Variants in ZNF157 observed in about 807,000 individuals in gnomAD.
The protein encoded by ZNF157 is zinc finger protein 22.
In ZNF157, 8 loss-of-function variants were observed where a neutral mutation model predicts 9.4. The observed-to-expected ratio is 0.85, with a 90% CI of 0.50 to 1.53. The LOEUF is 1.53. ZNF157 is among the 40% of genes most tolerant of loss of function. The pLI is 0.00. For synonymous variants in ZNF157, 120 were observed against 130.8 expected (o/e 0.92, Z 0.56); for missense variants, 316 against 385.2 (o/e 0.82, Z 1.50).
At chrX:47,397,190 A>G (rs1290780766) in intron 1 of ZNF157, among the ~76,000 whole-genome samples, 1 of 95,838 alleles carries the variant, frequency 1.0e-5, no homozygotes, top group Non-Finnish European at 2.1e-5. Context: ...TTCCAGGCCT[A>G]CTCTTCTTTA....
chrX:47,408,124 C>T (rs1481092916), intron 1 of ZNF157, among the ~76,000 whole-genome samples: 5 of 107,749 alleles, frequency 4.6e-5, no homozygotes, highest in Non-Finnish European at 7.7e-5. Flanking sequence ...TTTTTTTAGA[C>T]GGAGTTTCAC....
intron 1 of ZNF157, among the ~76,000 whole-genome samples, chrX:47,400,109 G>C (rs2055926386): frequency 9.3e-6 from 1 of 107,151 alleles, no homozygotes; most frequent in African/African-American, 3.4e-5. Context: ...TGATTCTCGT[G>C]CCTCAGCCTC....
chrX:47,382,319 T>TTG (rs2055866162), intron 1 of ZNF157, among the ~76,000 whole-genome samples: 2 of 79,847 alleles, frequency 2.5e-5, no homozygotes, highest in Non-Finnish European at 4.4e-5. Context: ...AGACGCAGTC[T>TTG]CGCTCTGTTG....
intron 1 of ZNF157, among the ~76,000 whole-genome samples, chrX:47,371,653 G>A (rs1427361587): frequency 9.0e-6 from 1 of 111,400 alleles, no homozygotes; most frequent in Non-Finnish European, 1.9e-5. Context: ...TGTCACCCAG[G>A]CTGGACTGCA....
chrX:47,393,027 C>CGT (rs1052697915), intron 1 of ZNF157, among the ~76,000 whole-genome samples: 1 of 110,484 alleles, frequency 9.1e-6, no homozygotes, highest in Non-Finnish European at 1.9e-5. Context: ...TGGTGGCGCA[C>CGT]GCCTGTAATC....
chrX:47,373,419 G>A (rs956456574), intron 1 of ZNF157, among the ~76,000 whole-genome samples: 3 of 111,161 alleles, frequency 2.7e-5, no homozygotes, highest in South Asian at 7.5e-4. Flanking sequence ...AGGAAATGAA[G>A]GCTTGCTGGA....
At chrX:47,410,432 G>A (rs2147415335) in intron 2 of ZNF157, 30 bp downstream of exon 2, 1 of 1,202,509 alleles carries the variant, frequency 8.3e-7, no homozygotes, top group African/African-American at 1.8e-5. Context: ...TAACTCCTGA[G>A]AGCGTGTGTT....
chrX:47,376,625 A>G (rs1339773862), intron 1 of ZNF157, among the ~76,000 whole-genome samples: 1 of 111,370 alleles, frequency 9.0e-6, no homozygotes, highest in Non-Finnish European at 1.9e-5. Flanking sequence ...TCAAAAAAAA[A>G]CAGAGAAACT....
At chrX:47,389,667 G>A (rs768873620) in intron 1 of ZNF157, among the ~76,000 whole-genome samples, 1 of 111,710 alleles carries the variant, frequency 9.0e-6, no homozygotes, top group Non-Finnish European at 1.9e-5. Flanking sequence ...TTGGGAGGCC[G>A]AGGTGGGTGG....
intron 1 of ZNF157, among the ~76,000 whole-genome samples, chrX:47,395,742 G>A (rs1423758295): frequency 2.7e-5 from 3 of 110,486 alleles, no homozygotes; most frequent in Non-Finnish European, 5.7e-5. Context: ...AGGTGGGAGG[G>A]TCACTTGAGG....
Position 47,413,435 on chromosome X carries a change from A to G in ZNF157, c.1362A>G (p.Lys454=), listed in dbSNP as rs755174327. The G allele has an allele frequency of 5.0e-6, 6 of 1,210,027 alleles. No individual in the cohort carries two copies. The East Asian group carries it at 1.8e-4, about 36-fold the overall frequency. The change falls in exon 4 of 4, where the codon AAA becomes AAG. Residue 454 remains lysine, a synonymous_variant. Coordinates refer to ENST00000377073, the MANE Select transcript of ZNF157 (RefSeq NM_003446.4). ...AATGTGGAAATGCCTTCTATGTGAA[A>G]GTACGCCTCATTGAACATCAGCGAA... The part of the protein sequence containing the change: ...CSECGNAFYV[K]VRLIEHQRIH...
At chrX:47,385,538 C>T (rs940669425) in intron 1 of ZNF157, among the ~76,000 whole-genome samples, 1 of 79,323 alleles carries the variant, frequency 1.3e-5, no homozygotes. Context: ...CTGCCCTAAG[C>T]GATTCCGTGT....
chrX:47,413,395 C>A lies in ZNF157; in HGVS notation c.1322C>A (p.Pro441His). 1 of 1,211,706 alleles carries A rather than the reference C, an allele frequency of 8.3e-7. No individual in the cohort carries two copies. Among genetic ancestry groups the A allele is most frequent in the Non-Finnish European group, 1.1e-6 (1 of 895,473 alleles). The change falls in exon 4 of 4, where the codon CCT (proline) becomes CAT (histidine). Residue 441 changes from proline to histidine, a missense_variant. Coordinates refer to ENST00000377073, the MANE Select transcript of ZNF157 (RefSeq NM_003446.4). ...QHRRTHTGEK[P>H]YECSECGNAF... is the part of the protein sequence containing the mutation. ...CGGAGAACTCACACAGGAGAGAAAC[C>A]TTATGAATGTAGTGAATGTGGAAAT...
intron 1 of ZNF157, among the ~76,000 whole-genome samples, chrX:47,407,953 T>C (rs1329086473): frequency 8.9e-6 from 1 of 111,756 alleles, no homozygotes; most frequent in Non-Finnish European, 1.9e-5. Flanking sequence ...CTTGCATTGC[T>C]ATAAAGAAAT....
chrX:47,401,978 C>T (rs774709599), intron 1 of ZNF157, among the ~76,000 whole-genome samples: 1 of 111,271 alleles, frequency 9.0e-6, no homozygotes, highest in East Asian at 2.8e-4. Flanking sequence ...CTCAAGCAGT[C>T]CTCCCGCTTC....
chrX:47,401,803 A>G (rs764672834), intron 1 of ZNF157, among the ~76,000 whole-genome samples: 16 of 110,957 alleles, frequency 1.4e-4, no homozygotes, highest in African/African-American at 5.2e-4. Flanking sequence ...GCAGTGGCAC[A>G]ATCACAGTTC....
At chrX:47,370,779 A>T (rs749186820) in intron 1 of ZNF157, 39 bp downstream of exon 1, 1 of 1,027,419 alleles carries the variant, frequency 9.7e-7, no homozygotes, top group Non-Finnish European at 1.3e-6. Flanking sequence ...TATGTTCTTT[A>T]TTTTTTTATT....
chrX:47,404,121 G>A (rs1422079533), intron 1 of ZNF157, among the ~76,000 whole-genome samples: 2 of 110,434 alleles, frequency 1.8e-5, no homozygotes, highest in African/African-American at 6.5e-5. Context: ...AGTGAGCTGA[G>A]ATGGAGCCAC....
intron 1 of ZNF157, among the ~76,000 whole-genome samples, chrX:47,394,549 C>G (rs765789673): frequency 9.0e-6 from 1 of 111,586 alleles, no homozygotes; most frequent in Admixed American, 9.6e-5. Context: ...AAATAAATAC[C>G]GAAGTATTTG....
Sources: allele counts gnomAD v4.1 joint callset (sites outside exome capture counted in the v4.1 genomes callset), GRCh38; gene constraint gnomAD v4.1.1; transcripts MANE v1.5; gene names NCBI Gene and HGNC (gene_info 2026-07-23, HGNC 2026-07-21).